Variants in PPP1R13B observed in about 807,000 individuals in gnomAD.
PPP1R13B encodes apoptosis-stimulating of p53 protein 1.
In PPP1R13B, 44 loss-of-function variants were observed where a neutral mutation model predicts 119.8. That is an observed-to-expected ratio of 0.37 (90% CI 0.29 to 0.47). The LOEUF is 0.47. Among genes scored for constraint, PPP1R13B ranks in the 20% least tolerant of loss-of-function variants. The pLI, the probability that PPP1R13B is intolerant of heterozygous loss-of-function variation, is 0.99. For synonymous variants in PPP1R13B, 542 were observed against 561.5 expected (o/e 0.97, Z 0.49); for missense variants, 1,227 against 1,413.5 (o/e 0.87, Z 2.12).
intron 1 of PPP1R13B, among the ~76,000 whole-genome samples, chr14:103,830,720 G>A (rs2086646900): frequency 6.6e-6 from 1 of 152,164 alleles, no homozygotes; most frequent in African/African-American, 2.4e-5. Flanking sequence ...TTCTCTGAAT[G>A]GCTGGGGATT....
At chr14:103,833,095 T>G (rs755265460) in intron 1 of PPP1R13B, among the ~76,000 whole-genome samples, 7 of 152,228 alleles carry the variant, frequency 4.6e-5, no homozygotes, top group Admixed American at 2.0e-4. Context: ...TGAATGTACT[T>G]AATGCCACAG....
At chr14:103,815,983 C>G (rs556991570) in intron 1 of PPP1R13B, among the ~76,000 whole-genome samples, 41 of 151,224 alleles carry the variant, frequency 2.7e-4, no homozygotes, top group African/African-American at 9.4e-4. Flanking sequence ...ACTCGGGAGG[C>G]TGAGGCAGGA....
intron 1 of PPP1R13B, among the ~76,000 whole-genome samples, chr14:103,839,526 C>T (rs1446918779): frequency 1.3e-5 from 2 of 151,510 alleles, no homozygotes; most frequent in Non-Finnish European, 2.9e-5. Context: ...ACTCGAGAGG[C>T]TGAGTCAGAA....
chr14:103,812,091 T>A (rs1595809013), intron 1 of PPP1R13B, among the ~76,000 whole-genome samples: 3 of 133,620 alleles, frequency 2.2e-5, no homozygotes, highest in African/African-American at 8.2e-5. Context: ...ACCTCAATAA[T>A]CATAAAACAA....
At chr14:103,815,397 T>C (rs1226782170) in intron 1 of PPP1R13B, among the ~76,000 whole-genome samples, 1 of 152,144 alleles carries the variant, frequency 6.6e-6, no homozygotes, top group African/African-American at 2.4e-5. Flanking sequence ...ACCAATGAAT[T>C]GTACATTTTG....
rs138563621 is a variant in PPP1R13B at position 103,823,909 on chromosome 14, A to G, written c.9+23390T>C. On this transcript the variant is annotated intron_variant, in intron 1 of 16. Coordinates refer to ENST00000202556, the MANE Select transcript of PPP1R13B (RefSeq NM_015316.3). ...CACACTTTAAACAGCAGGTACATAC[A>G]TATCCTTTCAAACCCTTTCTACACC... Among the ~76,000 whole-genome samples, 730 of 152,120 alleles carry G rather than the reference A, an allele frequency of 4.8e-3. 7 individuals carry two copies. The highest frequency in any genetic ancestry group is 0.016 in the African/African-American group (684 of 41,508).
chr14:103,821,467 G>C (rs2086405784), intron 1 of PPP1R13B, among the ~76,000 whole-genome samples: 1 of 152,086 alleles, frequency 6.6e-6, no homozygotes, highest in South Asian at 2.1e-4. Context: ...AAATACAGAG[G>C]AGCACTGGGC....
intron 1 of PPP1R13B, among the ~76,000 whole-genome samples, chr14:103,818,019 A>T (rs1191138076): frequency 6.6e-6 from 1 of 152,080 alleles, no homozygotes; most frequent in Non-Finnish European, 1.5e-5. Context: ...TTTTTTTTAT[A>T]ATGAAAGAAC....
intron 1 of PPP1R13B, among the ~76,000 whole-genome samples, chr14:103,815,009 G>A (rs8017332): frequency 0.012 from 1,896 of 152,192 alleles, 42 homozygotes; most frequent in African/African-American, 0.043. Context: ...AATATTTATG[G>A]TATTATTCAT....
At chr14:103,754,443 T>C (rs2084626693) in intron 5 of PPP1R13B, among the ~76,000 whole-genome samples, 199 bp from the exon 6 acceptor site, 1 of 150,710 alleles carries the variant, frequency 6.6e-6, no homozygotes, top group South Asian at 2.1e-4. Flanking sequence ...GCGCCTGTAG[T>C]CCCAGCTACT....
Position 103,739,893 on chromosome 14 carries a change from T to C in PPP1R13B, c.2523A>G (p.Pro841=). The change falls in exon 12 of 17, where the codon CCA becomes CCG. Residue 841 remains proline, a synonymous_variant. Coordinates refer to ENST00000202556, the MANE Select transcript of PPP1R13B (RefSeq NM_015316.3). ...GAGGGACCTGCTCTTCCCCTGGAGATGGGGCCTCAGCCACAGGACTCGGGA... is the reference window on the plus strand; with the variant it reads ...GAGGGACCTGCTCTTCCCCTGGAGACGGGGCCTCAGCCACAGGACTCGGGA... The part of the protein sequence containing the change: ...EQIPSPVAEA[P]SPGEEQVPPA... The C allele has an allele frequency of 6.2e-7, 1 of 1,613,852 alleles. No individual in the cohort carries two copies. Among genetic ancestry groups the C allele is most frequent in the Non-Finnish European group, 8.5e-7 (1 of 1,180,002 alleles).
At chr14:103,810,706 G>A (rs2086131221) in intron 1 of PPP1R13B, among the ~76,000 whole-genome samples, 1 of 151,834 alleles carries the variant, frequency 6.6e-6, no homozygotes, top group Non-Finnish European at 1.5e-5. Context: ...GGGAGGTGGC[G>A]CTTGCAGTGA....
rs1383362779 is a variant in PPP1R13B at position 103,779,305 on chromosome 14, TA to T, written c.278-485del. On this transcript the variant is annotated intron_variant, in intron 3 of 16. Transcript: ENST00000202556. Reference sequence around the variant, plus strand: ...CTGGGCAACAGAGCAAGACCCTGTTTAAAAAAAATAAATTAAAAATAAATGA... The same window carrying T: ...CTGGGCAACAGAGCAAGACCCTGTTTAAAAAAATAAATTAAAAATAAATGA... 2.0e-5 allele frequency among the ~76,000 whole-genome samples: 3 copies of T among 151,820 alleles called. No individual in the cohort carries two copies. The East Asian group carries it at 5.8e-4, about 29-fold the overall frequency.
intron 1 of PPP1R13B, among the ~76,000 whole-genome samples, chr14:103,836,131 C>T (rs548519472): frequency 2.0e-5 from 3 of 151,536 alleles, no homozygotes; most frequent in Non-Finnish European, 2.9e-5. Flanking sequence ...CTGCAATTTC[C>T]GCCTCCCAGG....
In PPP1R13B at chr14:103,735,097, A is replaced by T; in HGVS notation, c.*57T>A. 1 of 1,594,708 alleles carries T rather than the reference A, an allele frequency of 6.3e-7. No individual in the cohort carries two copies. Among genetic ancestry groups the T allele is most frequent in the South Asian group, 1.1e-5 (1 of 90,680 alleles). ...CAGCTTTCCTGGAAAACAGCACAAT[A>T]ATCTCTTAAGTGGCTCCTGGTAGCT... On this transcript the variant is annotated 3_prime_UTR_variant, in exon 17 of 17. Transcript: ENST00000202556.
At chr14:103,765,643 C>A (rs2084920169) in intron 4 of PPP1R13B, among the ~76,000 whole-genome samples, 2 of 152,172 alleles carry the variant, frequency 1.3e-5, no homozygotes. Context: ...TTCCTGTGAG[C>A]ATATTTCACT....
chr14:103,748,105 ACACACACAC>A (rs1191568098), intron 8 of PPP1R13B, among the ~76,000 whole-genome samples: 1 of 140,144 alleles, frequency 7.1e-6, no homozygotes, highest in African/African-American at 2.9e-5. Context: ...ACACACACAC[ACACACACAC>A]GTGCACGCGC....
At position 103,825,558 on chromosome 14, in the gene PPP1R13B, A is replaced by C. The variant is rs566379958; in HGVS notation, c.9+21741T>G. Among the ~76,000 whole-genome samples the C allele has an allele frequency of 5.6e-4, 85 of 152,370 alleles. No individual in the cohort carries two copies. The South Asian group carries it at 0.017, about 31-fold the overall frequency. ...GAAAGTTTTAGTAGTCTGGATCAATAAAATGAGCTATAACATTCCCTTATG... is the reference window on the plus strand; with the variant it reads ...GAAAGTTTTAGTAGTCTGGATCAATCAAATGAGCTATAACATTCCCTTATG... On this transcript the variant is annotated intron_variant, in intron 1 of 16. Transcript: ENST00000202556.
In PPP1R13B at chr14:103,753,203, T is replaced by G. The variant is rs764936107; in HGVS notation, c.632-7A>C. The G allele has an allele frequency of 1.2e-6, 2 of 1,601,672 alleles. No homozygotes were observed. The highest frequency in any genetic ancestry group is 2.2e-5 in the East Asian group (1 of 44,814). ...AACCTTTCTATTTCAGCAGCTATAA[T>G]TGACCACACAAGAAAAGAATAAAAG... On this transcript the variant is annotated splice_region_variant and splice_polypyrimidine_tract_variant and intron_variant, in intron 6 of 16. Transcript: ENST00000202556.
Sources: allele counts gnomAD v4.1 joint callset (sites outside exome capture counted in the v4.1 genomes callset), GRCh38; gene constraint gnomAD v4.1.1; transcripts MANE v1.5; gene names NCBI Gene and HGNC (gene_info 2026-07-23, HGNC 2026-07-21).